ADAM8: variants seen among roughly 807,000 people sequenced by gnomAD.
ADAM8 encodes the protein ADAM metallopeptidase domain 8.
In ADAM8, 104 loss-of-function variants were observed where a neutral mutation model predicts 102.4. That is an observed-to-expected ratio of 1.02 (90% CI 0.87 to 1.20). The LOEUF is 1.20. Among genes scored for constraint, ADAM8 ranks in the 50% most tolerant of loss-of-function variants. The probability of loss-of-function intolerance (pLI) is 0.00; values close to 1 mark genes in which losing one functional copy is unlikely to be tolerated. For missense variants in ADAM8, 1,132 were observed against 1,159.0 expected (o/e 0.98, Z 0.34); for synonymous variants, 517 against 485.2 (o/e 1.07, Z -0.86).
At chr10:133,275,705 C>A in intron 1 of ADAM8, 118 bp from the exon 2 acceptor site, 1 of 572,450 alleles carries the variant, frequency 1.7e-6, no homozygotes, top group South Asian at 2.5e-5. Flanking sequence ...GGGGAACTCA[C>A]CAGATAGCTC....
intron 17 of ADAM8, 55 bp from the exon 18 acceptor site, chr10:133,269,584 G>T: frequency 6.7e-7 from 1 of 1,487,448 alleles, no homozygotes; most frequent in Admixed American, 2.2e-5. Context: ...AAGGGGCCGT[G>T]GGGGCCGTGC....
At chr10:133,268,664 G>C in intron 19 of ADAM8, 84 bp downstream of exon 19, 1 of 1,427,216 alleles carries the variant, frequency 7.0e-7, no homozygotes, top group Non-Finnish European at 9.5e-7. Flanking sequence ...CGTCCACCAT[G>C]GGCCCGTGCT....
Position 133,269,977 on chromosome 10 carries a change from G to C in ADAM8, c.1786-3C>G, listed in dbSNP as rs566257682. 15 of 1,612,504 alleles carry C rather than the reference G, an allele frequency of 9.3e-6. No homozygotes were observed. Among genetic ancestry groups the C allele is most frequent in the East Asian group, 6.7e-5 (3 of 44,884 alleles). On this transcript the variant is annotated splice_region_variant and splice_polypyrimidine_tract_variant and intron_variant, in intron 16 of 22. Coordinates refer to ENST00000445355, the MANE Select transcript of ADAM8 (RefSeq NM_001109.5). ...TGGCAACGTCCTTTCCAGCAAACCTGGGGGTAGGAGGCGTCTCTCAGGCAG... is the reference window on the plus strand; with the variant it reads ...TGGCAACGTCCTTTCCAGCAAACCTCGGGGTAGGAGGCGTCTCTCAGGCAG...
At chr10:133,272,018 C>T in intron 10 of ADAM8, 64 bp from the exon 11 acceptor site, 1 of 1,586,616 alleles carries the variant, frequency 6.3e-7, no homozygotes, top group African/African-American at 1.3e-5. Context: ...CACCCTCACC[C>T]CACCAGGGCC....
chr10:133,272,800 T>C lies in ADAM8; in HGVS notation c.703A>G (p.Lys235Glu). The C allele has an allele frequency of 6.2e-7, 1 of 1,609,082 alleles. No individual in the cohort carries two copies. The highest frequency in any genetic ancestry group is 2.2e-5 in the East Asian group (1 of 44,760). Residue 235 changes from lysine to glutamate, a missense_variant and splice_region_variant, in exon 8 of 23, where the codon AAG becomes GAG. By Grantham distance (56) the Lys-to-Glu change is moderately conservative. Coordinates refer to ENST00000445355, the MANE Select transcript of ADAM8 (RefSeq NM_001109.5). Reference sequence around the variant, plus strand: ...CTGCAGCCAGGACCGCTGCCCACCTTGTCCACGTGATTCACCACCTCCAGC... The same window carrying C: ...CTGCAGCCAGGACCGCTGCCCACCTCGTCCACGTGATTCACCACCTCCAGC... ...RVLEVVNHVD[K>E]LYQKLNFRVV...
At position 133,271,790 on chromosome 10, in the gene ADAM8, G is replaced by C; in HGVS notation, c.1106+16C>G. 2 of 1,609,316 alleles carry C rather than the reference G, an allele frequency of 1.2e-6. No homozygotes were observed. The highest frequency in any genetic ancestry group is 2.2e-5 in the East Asian group (1 of 44,712). ...CCTCCAGCATACCCTGGCTCTGCAGGGCCTGGCCGCCTCACCCAATGCTGC... is the reference window on the plus strand; with the variant it reads ...CCTCCAGCATACCCTGGCTCTGCAGCGCCTGGCCGCCTCACCCAATGCTGC... On this transcript the variant is annotated intron_variant, in intron 11 of 22. Transcript: ENST00000445355.
At chr10:133,268,210 C>T in intron 19 of ADAM8, 92 bp from the exon 20 acceptor site, 6 of 1,135,938 alleles carry the variant, frequency 5.3e-6, no homozygotes, top group South Asian at 4.4e-5. Context: ...CCAGCCGACC[C>T]GAGAGGCTTC....
chr10:133,273,144 A>G (rs1846612154), intron 6 of ADAM8, 110 bp downstream of exon 6: 2 of 1,580,420 alleles, frequency 1.3e-6, no homozygotes, highest in South Asian at 2.2e-5. Flanking sequence ...GGCCTGCTCC[A>G]GGCTGCAGAC....
chr10:133,273,927 C>A, intron 4 of ADAM8, 24 bp downstream of exon 4: 15 of 1,578,434 alleles, frequency 9.5e-6, no homozygotes, highest in Non-Finnish European at 1.2e-5. Context: ...ACCTGCCCGC[C>A]CAGCTGCTCC....
At chr10:133,275,214 C>T (rs1846705758) in intron 2 of ADAM8, among the ~76,000 whole-genome samples, 1 of 152,194 alleles carries the variant, frequency 6.6e-6, no homozygotes, top group South Asian at 2.1e-4. Flanking sequence ...ATCAGCCTCG[C>T]CAAGTGAAAC....
chr10:133,271,155 G>C (rs1281439042), intron 13 of ADAM8, 45 bp downstream of exon 13: 1 of 1,595,892 alleles, frequency 6.3e-7, no homozygotes, highest in Admixed American at 1.7e-5. Context: ...CTTCCCACCT[G>C]CCAGCCATGG....
Position 133,270,764 on chromosome 10 carries a change from G to T in ADAM8, c.1606C>A (p.Leu536Ile), listed in dbSNP as rs763200010. The T allele has an allele frequency of 1.2e-6, 2 of 1,607,178 alleles. No homozygotes were observed. Among genetic ancestry groups the T allele is most frequent in the Non-Finnish European group, 1.7e-6 (2 of 1,176,738 alleles). ...TACCGGCTGGCCTTGCAGCCTGGTA[G>T]GATGTCATAGGAGAAGCAGGACTCC... ...AEESCFSYDI[L>I]PGCKASRYRA... The change falls in exon 15 of 23, where the codon CTA (leucine) becomes ATA (isoleucine). Residue 536 changes from leucine to isoleucine, a missense_variant. Leu to Ile is a conservative substitution (Grantham distance 5). Transcript: ENST00000445355.
In ADAM8 at chr10:133,272,433, G is replaced by A. The variant is rs1243182574; in HGVS notation, c.858C>T (p.Asp286=). The A allele has an allele frequency of 1.2e-6, 2 of 1,605,786 alleles. No homozygotes were observed. The highest frequency in any genetic ancestry group is 1.1e-5 in the South Asian group (1 of 90,830). Reference sequence around the variant, plus strand: ...CAGCTCACGTGATGAGCTGTACGTTGTCATGCAGGTGCCGCCGTGTCCGTT... The same window carrying A: ...CAGCTCACGTGATGAGCTGTACGTTATCATGCAGGTGCCGCCGTGTCCGTT... ...ARQRTRRHLH[D]NVQLITGVDF... Residue 286 remains aspartate (D), a synonymous_variant, in exon 9 of 23, where the codon GAC becomes GAT. Coordinates refer to ENST00000445355, the MANE Select transcript of ADAM8 (RefSeq NM_001109.5).
chr10:133,273,969 C>T lies in ADAM8; in HGVS notation c.288G>A (p.Thr96=), dbSNP rs146230512. The change falls in exon 4 of 23, where the codon ACG becomes ACA. Residue 96 remains threonine, a synonymous_variant. Transcript: ENST00000445355. ...CCCATACCTGCCCGCGAGGCTGCTC[C>T]GTCACCTCGGAGCCATTGGCAGCCG... ...TYTAANGSEV[T]EQPRGQDHCF... The T allele has an allele frequency of 3.2e-5, 51 of 1,604,512 alleles. No individual in the cohort carries two copies. The highest frequency in any genetic ancestry group is 1.6e-4 in the East Asian group (7 of 44,606).
intron 21 of ADAM8, 148 bp from the exon 22 acceptor site, chr10:133,263,913 C>G (rs542063313): frequency 3.1e-6 from 2 of 639,410 alleles, no homozygotes; most frequent in African/African-American, 1.9e-5. Flanking sequence ...CCACTGAGCT[C>G]GCTACAGAAA....
At chr10:133,274,794 A>G (rs1236120016) in intron 2 of ADAM8, 4 of 402,792 alleles carry the variant, frequency 9.9e-6, no homozygotes, top group African/African-American at 8.5e-5. Flanking sequence ...CAGCTGCCGG[A>G]CCTGGTGGTG....
At position 133,274,018 on chromosome 10, in the gene ADAM8, C is replaced by T; in HGVS notation, c.239G>A (p.Gly80Asp). 6.2e-7 allele frequency: 1 copy of T among 1,605,846 alleles called. No homozygotes were observed. ...LHLRKNRDLLGSGYTETYTAA... is the reference protein window; with the variant it reads ...LHLRKNRDLLDSGYTETYTAA... ...CGTATAGGTCTCTGTGTAGCCGGAG[C>T]CCAGCAGGTCCCTGGAAAAGAAGTG... Residue 80 changes from glycine to aspartate, a missense_variant, in exon 4 of 23, where the codon GGC (glycine) becomes GAC (aspartate). Coordinates refer to ENST00000445355, the MANE Select transcript of ADAM8 (RefSeq NM_001109.5).
At chr10:133,263,638 G>GTGCCACTGTCAGCCCCGTGGGGAGGCCT in intron 22 of ADAM8, 50 bp downstream of exon 22, 1 of 1,481,108 alleles carries the variant, frequency 6.8e-7, no homozygotes, top group Admixed American at 2.3e-5. Flanking sequence ...TGGGGAGGCC[G>GTGCCACTGTCAGCCCCGTGGGGAGGCCT]TGCCGTCCAT....
chr10:133,268,958 A>C, intron 18 of ADAM8, 96 bp from the exon 19 acceptor site: 2 of 1,520,374 alleles, frequency 1.3e-6, no homozygotes, highest in East Asian at 4.9e-5. Flanking sequence ...CAGCACCCCC[A>C]GGCTGTGCCC....
Sources: gnomAD v4.1 joint callset for allele counts (sites outside exome capture counted in the v4.1 genomes callset) on GRCh38, gnomAD v4.1.1 for gene constraint, MANE v1.5 for transcripts, NCBI Gene and HGNC (gene_info 2026-07-23, HGNC 2026-07-21) for gene names.